RBPJ: variants seen among roughly 807,000 people sequenced by gnomAD.
RBPJ encodes the protein recombining binding protein suppressor of hairless.
Under a neutral mutation model 67.8 loss-of-function variants are expected in RBPJ, and 9 were observed. That is an observed-to-expected ratio of 0.13 (90% confidence interval 0.08 to 0.23). The LOEUF (loss-of-function observed/expected upper bound fraction) is 0.23, where lower values mean the gene tolerates loss of function less well. Among genes scored for constraint, RBPJ ranks in the 10% least tolerant of loss-of-function variants. RBPJ has a pLI of 1.00. For synonymous variants in RBPJ, 198 were observed against 203.3 expected, an observed-to-expected ratio of 0.97 and a Z score of 0.22; for missense variants, 305 against 595.6, an observed-to-expected ratio of 0.51 and a Z score of 5.08.
chr4:26,282,403 A>T (rs1721305424), intron 1 of RBPJ, among the ~76,000 whole-genome samples: 1 of 152,204 alleles, frequency 6.6e-6, no homozygotes, highest in Non-Finnish European at 1.5e-5. Context: ...AAATTATCTG[A>T]TAAAAAATAA....
the RBPJ span, chr4:26,113,208 G>A: frequency 7.6e-6 from 2 of 262,628 alleles, no homozygotes; most frequent in Non-Finnish European, 1.5e-5. Context: ...TTAAACATCA[G>A]ATAGTACACA....
chr4:26,354,403 G>T (rs542521532), intron 1 of RBPJ, among the ~76,000 whole-genome samples: 2 of 150,306 alleles, frequency 1.3e-5, no homozygotes, highest in Non-Finnish European at 3.0e-5. Context: ...CATAAAAAAT[G>T]TAGTAAATTA....
At chr4:26,386,115 G>A (rs1172575390) in intron 1 of RBPJ, among the ~76,000 whole-genome samples, 4 of 152,138 alleles carry the variant, frequency 2.6e-5, no homozygotes, top group Non-Finnish European at 4.4e-5. Context: ...CATCTAATCA[G>A]TGTGTTACTT....
chr4:26,223,741 TAGAG>T lies in RBPJ; in HGVS notation c.-167+60131_-167+60134del, dbSNP rs1454858012. On this transcript the variant is annotated intron_variant, in intron 1 of 4. Coordinates refer to the RBPJ transcript ENST00000512351. Reference sequence around the variant, plus strand: ...TGAGTGACAGAAGCACAGTCTTTCTTAGAGAGATAGACAGAGTGGCAGTCAGAGG... The same window carrying T: ...TGAGTGACAGAAGCACAGTCTTTCTTAGATAGACAGAGTGGCAGTCAGAGG... 1.8e-4 allele frequency among the ~76,000 whole-genome samples: 27 copies of T among 152,244 alleles called. No homozygotes were observed. In the East Asian group the frequency reaches 4.6e-3, roughly 26 times the overall value.
rs539018651 is a variant in RBPJ at position 26,204,437 on chromosome 4, C to T, written c.-167+40823C>T. On this transcript the variant is annotated intron_variant, in intron 1 of 4. Transcript: ENST00000512351. ...TCAGGAAATGATTTGCAGAGGAAGG[C>T]GCCTTACTGGTCCTTGGGGACGGGT... Among the ~76,000 whole-genome samples, 139 of 152,266 alleles carry T rather than the reference C, an allele frequency of 9.1e-4. 1 individual carries two copies. The highest frequency in any genetic ancestry group is 3.4e-3 in the Middle Eastern group (1 of 294).
chr4:26,184,625 A>T (rs1182029855), intron 1 of RBPJ, among the ~76,000 whole-genome samples: 2 of 152,116 alleles, frequency 1.3e-5, no homozygotes, highest in African/African-American at 4.8e-5. Flanking sequence ...GACTCAGGGG[A>T]GGCTGAGTCA....
the RBPJ span, among the ~76,000 whole-genome samples, chr4:26,131,288 C>A: frequency 6.6e-6 from 1 of 152,136 alleles, no homozygotes; most frequent in Non-Finnish European, 1.5e-5. Flanking sequence ...GGGTCACATC[C>A]CTATGCAGTC....
At chr4:26,221,294 G>T (rs906108064) in intron 1 of RBPJ, among the ~76,000 whole-genome samples, 1 of 152,172 alleles carries the variant, frequency 6.6e-6, no homozygotes, top group African/African-American at 2.4e-5. Context: ...GTTTCACCGT[G>T]TTAGCCAGGA....
At chr4:26,350,571 C>CA (rs1482612234) in intron 1 of RBPJ, among the ~76,000 whole-genome samples, 4 of 152,022 alleles carry the variant, frequency 2.6e-5, no homozygotes, top group East Asian at 1.9e-4. Flanking sequence ...TTGCTCGGGA[C>CA]AAAAAACCTA....
chr4:26,370,896 C>T (rs1003924122), intron 1 of RBPJ, among the ~76,000 whole-genome samples: 44 of 151,898 alleles, frequency 2.9e-4, no homozygotes, highest in African/African-American at 1.0e-3. Context: ...CTTGCTAACA[C>T]AGTTAAACCC....
At chr4:26,419,544 G>C (rs534062890) in intron 4 of RBPJ, among the ~76,000 whole-genome samples, 172 of 152,242 alleles carry the variant, frequency 1.1e-3, no homozygotes, top group Middle Eastern at 3.4e-3. Context: ...AGTAGCATTT[G>C]CTCTGCTTTT....
intron 1 of RBPJ, among the ~76,000 whole-genome samples, chr4:26,234,378 C>T (rs887824209): frequency 5.3e-5 from 8 of 152,166 alleles, no homozygotes; most frequent in East Asian, 1.9e-4. Flanking sequence ...GAAATACACA[C>T]GCCTGACAAT....
intron 7 of RBPJ, among the ~76,000 whole-genome samples, chr4:26,426,561 T>C (rs1156545884): frequency 6.6e-6 from 1 of 152,212 alleles, no homozygotes; most frequent in Non-Finnish European, 1.5e-5. Flanking sequence ...CCTCTCGTCA[T>C]TGAGTTTACA....
upstream of RBPJ, among the ~76,000 whole-genome samples, chr4:26,315,933 C>T (rs1722595092): frequency 6.6e-6 from 1 of 152,126 alleles, no homozygotes; most frequent in Non-Finnish European, 1.5e-5. Flanking sequence ...CCCCACCCCG[C>T]AGGCAGTCAG....
Position 26,424,143 on chromosome 4 carries a change from A to G in RBPJ, c.497-199A>G, listed in dbSNP as rs922900496. On this transcript the variant is annotated intron_variant, in intron 5 of 10. Transcript: ENST00000355476. The surrounding 1 kb of genome is among the most constrained non-coding windows in gnomAD (Gnocchi z 5.3). ...AAAATTATTTTTATGGACATTTGAT[A>G]TCATTAGCTTGACATTATTAATAAC... 1.3e-5 allele frequency among the ~76,000 whole-genome samples: 2 copies of G among 152,256 alleles called. No individual in the cohort carries two copies. The highest frequency in any genetic ancestry group is 1.3e-4 in the Admixed American group (2 of 15,284).
At chr4:26,316,858 A>G (rs1245233599), upstream of RBPJ, among the ~76,000 whole-genome samples, 1 of 99,982 alleles carries the variant, frequency 1.0e-5, no homozygotes, top group Non-Finnish European at 2.1e-5. Flanking sequence ...TTTTTTTGCA[A>G]AAAACCAACA....
At chr4:26,339,298 G>C (rs936546713) in intron 1 of RBPJ, among the ~76,000 whole-genome samples, 1 of 152,108 alleles carries the variant, frequency 6.6e-6, no homozygotes, top group Non-Finnish European at 1.5e-5. Flanking sequence ...GTTTACCTGC[G>C]AGTTGGTAGG....
the RBPJ span, among the ~76,000 whole-genome samples, chr4:26,134,646 A>G: frequency 1.1e-4 from 16 of 152,082 alleles, no homozygotes; most frequent in Middle Eastern, 3.4e-3. Flanking sequence ...GTGTCCAGAA[A>G]TGTGCGTTTT....
At chr4:26,402,013 C>T (rs1416284311) in intron 2 of RBPJ, among the ~76,000 whole-genome samples, 1 of 151,772 alleles carries the variant, frequency 6.6e-6, no homozygotes, top group Non-Finnish European at 1.5e-5. Flanking sequence ...CTCAGCCTCC[C>T]GAGTAGCTGG....
Sources: gnomAD v4.1 joint callset for allele counts (sites outside exome capture counted in the v4.1 genomes callset) on GRCh38, gnomAD v4.1.1 for gene constraint, Gnocchi (gnomAD v3.1) non-coding constraint, MANE v1.5 for transcripts, NCBI Gene and HGNC (gene_info 2026-07-23, HGNC 2026-07-21) for gene names.